ITGA8: variants seen among roughly 807,000 people sequenced by gnomAD.
ITGA8 encodes the protein integrin subunit alpha 8.
ITGA8 carries 91 observed loss-of-function variants against 142.3 expected under a neutral mutation model. The ratio of observed to expected loss-of-function variants is 0.64; its 90% CI spans 0.54 to 0.76. ITGA8 has a LOEUF of 0.76. Ranked by LOEUF, ITGA8 falls within the 30% of genes least tolerant of loss-of-function variation. The pLI is 0.00. For missense variants in ITGA8, 1,406 were observed against 1,327.7 expected (o/e 1.06, Z -0.92); for synonymous variants, 505 against 485.2 (o/e 1.04, Z -0.54).
chr10:15,606,499 C>A, intron 17 of ITGA8, 77 bp from the exon 18 acceptor site: 1 of 1,387,634 alleles, frequency 7.2e-7, no homozygotes. Flanking sequence ...AGTCAGGCAA[C>A]ACTGGAATTT....
At chr10:15,695,973 T>C (rs1349399754) in intron 2 of ITGA8, among the ~76,000 whole-genome samples, 2 of 152,230 alleles carry the variant, frequency 1.3e-5, no homozygotes, top group Admixed American at 1.3e-4. Flanking sequence ...TTTCACACCC[T>C]ATCCTTGCCA....
intron 13 of ITGA8, among the ~76,000 whole-genome samples, chr10:15,640,108 T>G (rs946008976): frequency 2.6e-5 from 4 of 152,208 alleles, no homozygotes; most frequent in Admixed American, 6.5e-5. Context: ...TGCAACCGCT[T>G]GCAAAAGGCA....
intron 28 of ITGA8, 67 bp from the exon 29 acceptor site, chr10:15,519,479 AC>A: frequency 6.6e-7 from 1 of 1,523,284 alleles, no homozygotes. Flanking sequence ...AATAGTAATT[AC>A]CAGTACAACA....
intron 26 of ITGA8, among the ~76,000 whole-genome samples, chr10:15,552,321 T>C (rs1053687441): frequency 4.6e-5 from 7 of 152,098 alleles, no homozygotes; most frequent in Admixed American, 4.6e-4. Context: ...GTATTTTTAG[T>C]AGAGACGGGG....
rs186333896 is a variant in ITGA8, at chr10:15,668,119, T to C, written c.847+3484A>G. ...GATCTGTCTAATGTTGACAGGGGGG[T>C]GTTAAAGTCTCCCATTATTATTGTG... On this transcript the variant is annotated intron_variant, in intron 8 of 29. Coordinates refer to ENST00000378076, the MANE Select transcript of ITGA8 (RefSeq NM_003638.3). Among the ~76,000 whole-genome samples, 665 of 152,212 alleles carry C rather than the reference T, an allele frequency of 4.4e-3. 2 individuals carry two copies. Among genetic ancestry groups the C allele is most frequent in the African/African-American group, 0.015 (638 of 41,496 alleles).
intron 21 of ITGA8, among the ~76,000 whole-genome samples, chr10:15,594,267 G>C (rs980584687): frequency 6.6e-6 from 1 of 151,818 alleles, no homozygotes; most frequent in East Asian, 1.9e-4. Context: ...TGAAATCTTG[G>C]GACAGGAGAT....
chr10:15,618,103 G>T (rs938788242), intron 13 of ITGA8, among the ~76,000 whole-genome samples: 4 of 152,166 alleles, frequency 2.6e-5, no homozygotes, highest in Admixed American at 6.5e-5. Context: ...GGAGATAAAG[G>T]TTGAAGAATT....
intron 27 of ITGA8, among the ~76,000 whole-genome samples, 194 bp from the exon 28 acceptor site, chr10:15,531,345 T>C (rs1387983060): frequency 8.2e-6 from 1 of 121,926 alleles, no homozygotes; most frequent in South Asian, 2.4e-4. Context: ...CATGCATCCA[T>C]GCATCCATCC....
chr10:15,636,635 C>T (rs935953525), intron 13 of ITGA8, among the ~76,000 whole-genome samples: 4 of 152,172 alleles, frequency 2.6e-5, no homozygotes, highest in African/African-American at 9.7e-5. Context: ...CTCTTCCTTA[C>T]CTCCTGCCAC....
chr10:15,711,417 T>C (rs1432800332), intron 2 of ITGA8, among the ~76,000 whole-genome samples: 3 of 152,186 alleles, frequency 2.0e-5, no homozygotes, highest in Non-Finnish European at 2.9e-5. Context: ...CACAAAACCA[T>C]ATTTAATCAT....
At chr10:15,557,770 G>A (rs140861026) in intron 26 of ITGA8, among the ~76,000 whole-genome samples, 4 of 152,180 alleles carry the variant, frequency 2.6e-5, no homozygotes, top group African/African-American at 9.6e-5. Context: ...ATCTATGCAC[G>A]GACTAACAAC....
chr10:15,675,904 C>T lies in ITGA8; in HGVS notation c.676+1688G>A, dbSNP rs1217306580. ...AGACAAATGCTTGTATATGCCATTG[C>T]TATGGTAAATTTTCAGCAAATCATT... On this transcript the variant is annotated intron_variant, in intron 6 of 29. Coordinates refer to ENST00000378076, the MANE Select transcript of ITGA8 (RefSeq NM_003638.3). Among the ~76,000 whole-genome samples, 7 of 152,012 alleles carry T rather than the reference C, an allele frequency of 4.6e-5. 1 individual carries two copies. Among genetic ancestry groups the T allele is most frequent in the Non-Finnish European group, 1.5e-5 (1 of 68,032 alleles).
Position 15,534,984 on chromosome 10 carries a change from G to A in ITGA8, c.2881-3833C>T, listed in dbSNP as rs562297208. ...AGGTGTGGAGGGAGAGGCACGGGGG[G>A]AGAGGCGCAGGCGGGAACCTGGGCT... On this transcript the variant is annotated intron_variant, in intron 27 of 29. Transcript: ENST00000378076. Among the ~76,000 whole-genome samples, 4 of 152,302 alleles carry A rather than the reference G, an allele frequency of 2.6e-5. No homozygotes were observed. In the East Asian group the frequency reaches 7.7e-4, roughly 29 times the overall value.
chr10:15,666,650 T>G (rs1588709417), intron 8 of ITGA8, among the ~76,000 whole-genome samples: 1 of 152,308 alleles, frequency 6.6e-6, no homozygotes, highest in East Asian at 1.9e-4. Context: ...ATATTGGCTG[T>G]GGGTTTGTCA....
rs569608728 is a variant in ITGA8 at position 15,708,404 on chromosome 10, G to A, written c.343+10362C>T. Among the ~76,000 whole-genome samples, 20 of 152,214 alleles carry A rather than the reference G, an allele frequency of 1.3e-4. 1 individual carries two copies. The South Asian group carries it at 4.1e-3, about 32-fold the overall frequency. ...AAAGAGAAAAAAAATTTCCAGTGGA[G>A]ACCAGGTGGAACAGGTTGGGGGACT... is the stretch of plus-strand genomic sequence containing the variant. On this transcript the variant is annotated intron_variant, in intron 2 of 29. Transcript: ENST00000378076.
intron 12 of ITGA8, 151 bp downstream of exon 12, chr10:15,646,695 A>G: frequency 1.7e-6 from 1 of 579,384 alleles, no homozygotes; most frequent in Non-Finnish European, 3.0e-6. Context: ...GTATAAACGT[A>G]AAGCTGCCTT....
chr10:15,619,977 G>A (rs1429902632), intron 13 of ITGA8, among the ~76,000 whole-genome samples: 2 of 152,224 alleles, frequency 1.3e-5, no homozygotes, highest in Admixed American at 6.5e-5. Context: ...CGAATTTTAA[G>A]AATTGATTCT....
At chr10:15,584,033 A>C (rs1215801036) in intron 23 of ITGA8, among the ~76,000 whole-genome samples, 1 of 152,256 alleles carries the variant, frequency 6.6e-6, no homozygotes, top group African/African-American at 2.4e-5. Context: ...GTGATGGCTC[A>C]TGCCTGTAAT....
chr10:15,644,245 T>G, intron 12 of ITGA8, 24 bp from the exon 13 acceptor site: 4 of 1,600,828 alleles, frequency 2.5e-6, no homozygotes, highest in Non-Finnish European at 3.4e-6. Flanking sequence ...TAAAACATGT[T>G]TTATGTGTAT....
Sources: gnomAD v4.1 joint callset for allele counts (sites outside exome capture counted in the v4.1 genomes callset) on GRCh38, gnomAD v4.1.1 for gene constraint, MANE v1.5 for transcripts, NCBI Gene and HGNC (gene_info 2026-07-23, HGNC 2026-07-21) for gene names.